PLXNC1: variants seen among roughly 807,000 people sequenced by gnomAD.
The protein encoded by PLXNC1 is plexin C1, also known as plexin-C1.
A neutral mutation model predicts 178.2 loss-of-function variants in PLXNC1; 75 were observed. That is an observed-to-expected ratio of 0.42 (90% CI 0.35 to 0.51). PLXNC1 has a LOEUF of 0.51. Among genes scored for constraint, PLXNC1 ranks in the 20% least tolerant of loss-of-function variants. PLXNC1 has a pLI of 0.02. For missense variants in PLXNC1, 1,503 were observed against 1,984.4 expected (o/e 0.76, Z 4.61); for synonymous variants, 790 against 779.9 (o/e 1.01, Z -0.22).
chr12:94,274,768 C>T (rs1361535204), intron 21 of PLXNC1, among the ~76,000 whole-genome samples: 1 of 152,172 alleles, frequency 6.6e-6, no homozygotes, highest in South Asian at 2.1e-4. Flanking sequence ...CTTGAGTACC[C>T]GGTTCTACCA....
chr12:94,205,993 TTC>T (rs766200384), intron 4 of PLXNC1, among the ~76,000 whole-genome samples: 9 of 152,238 alleles, frequency 5.9e-5, no homozygotes, highest in Non-Finnish European at 1.3e-4. Context: ...TTCTCTGAGC[TTC>T]TGTTTCATCC....
intron 2 of PLXNC1, chr12:94,176,547 A>G (rs1962057002): frequency 6.6e-6 from 1 of 152,226 alleles, no homozygotes; most frequent in Admixed American, 6.5e-5. Flanking sequence ...TAGCAAAAAG[A>G]AAAACAATTT....
chr12:94,153,758 C>T (rs886229510), intron 1 of PLXNC1, among the ~76,000 whole-genome samples: 1 of 152,138 alleles, frequency 6.6e-6, no homozygotes, highest in Non-Finnish European at 1.5e-5. Flanking sequence ...GGGGACATAC[C>T]GCCTTCTTCC....
intron 2 of PLXNC1, among the ~76,000 whole-genome samples, chr12:94,178,785 G>A (rs1270328762): frequency 6.6e-6 from 1 of 152,154 alleles, no homozygotes; most frequent in African/African-American, 2.4e-5. Context: ...AATTTAAATA[G>A]CCATTATGTG....
At chr12:94,165,499 C>G (rs1212996965) in intron 1 of PLXNC1, among the ~76,000 whole-genome samples, 1 of 152,194 alleles carries the variant, frequency 6.6e-6, no homozygotes, top group Non-Finnish European at 1.5e-5. Flanking sequence ...AAAATCCTGA[C>G]TGTGGCCAGG....
At chr12:94,197,529 A>T (rs1398123743) in intron 4 of PLXNC1, among the ~76,000 whole-genome samples, 1 of 151,740 alleles carries the variant, frequency 6.6e-6, no homozygotes, top group Non-Finnish European at 1.5e-5. Flanking sequence ...CCCTCACCAG[A>T]TGCAGGCCCC....
At chr12:94,169,403 T>C in intron 2 of PLXNC1, 110 bp downstream of exon 2, 1 of 868,884 alleles carries the variant, frequency 1.2e-6, no homozygotes, top group Non-Finnish European at 1.8e-6. Context: ...AACCAAGAAC[T>C]TCATGAACTC....
intron 1 of PLXNC1, among the ~76,000 whole-genome samples, chr12:94,165,295 T>A (rs1157840777): frequency 6.6e-6 from 1 of 152,224 alleles, no homozygotes; most frequent in Non-Finnish European, 1.5e-5. Flanking sequence ...CTTTCTTTTG[T>A]TTTCATTTGC....
At chr12:94,224,806 C>T (rs1010038562) in intron 7 of PLXNC1, among the ~76,000 whole-genome samples, 2 of 152,166 alleles carry the variant, frequency 1.3e-5, no homozygotes, top group African/African-American at 2.4e-5. Context: ...ACTTGGGAGG[C>T]TGAGGTGGGA....
chr12:94,149,002 CG>C lies in PLXNC1; in HGVS notation c.32del (p.Arg11ProfsTer132). 6.9e-7 allele frequency: 1 copy of C among 1,457,816 alleles called. No individual in the cohort carries two copies. The allele number at this position is 1,457,816 out of a possible 1,614,324, so 90.3% of individuals were successfully genotyped here. MEVSRRKAPP[R>X]PPRPAAPLPL... Reference sequence around the variant, plus strand: ...GGTCTCCCGGAGGAAGGCGCCGCCGCGCCCCCCGCGCCCCGCAGCGCCACTG... The same window carrying C: ...GGTCTCCCGGAGGAAGGCGCCGCCGCCCCCCCGCGCCCCGCAGCGCCACTG... On this transcript the variant is annotated frameshift_variant, in exon 1 of 31. Coordinates refer to ENST00000258526, the MANE Select transcript of PLXNC1 (RefSeq NM_005761.3). LOFTEE classifies it high-confidence loss of function.
intron 1 of PLXNC1, among the ~76,000 whole-genome samples, chr12:94,166,870 G>A (rs1399456948): frequency 6.6e-6 from 1 of 151,922 alleles, no homozygotes; most frequent in Non-Finnish European, 1.5e-5. Flanking sequence ...GGACTCAAGT[G>A]ATCCACCTGT....
rs570501282 is a variant in PLXNC1, at chr12:94,190,980, C to A, written c.1439+4507C>A. 1.7e-4 allele frequency among the ~76,000 whole-genome samples: 26 copies of A among 152,350 alleles called. No individual in the cohort carries two copies. In the South Asian group the frequency reaches 5.4e-3, roughly 32 times the overall value. On this transcript the variant is annotated intron_variant, in intron 4 of 30. Coordinates refer to ENST00000258526, the MANE Select transcript of PLXNC1 (RefSeq NM_005761.3). Reference sequence around the variant, plus strand: ...CCTCCCCTTACTCACAGTGACATTACTGTTTTATTTTCTTCATGGCCCATC... The same window carrying A: ...CCTCCCCTTACTCACAGTGACATTAATGTTTTATTTTCTTCATGGCCCATC...
At chr12:94,298,510 AGTTT>A (rs1458099831) in intron 26 of PLXNC1, 118 bp from the exon 27 acceptor site, 2 of 794,690 alleles carry the variant, frequency 2.5e-6, no homozygotes, top group African/African-American at 3.5e-5. Context: ...TTTTCTCTTC[AGTTT>A]GTTTTTCCCT....
chr12:94,164,099 G>T (rs1426436605), intron 1 of PLXNC1, among the ~76,000 whole-genome samples: 2 of 152,168 alleles, frequency 1.3e-5, no homozygotes, highest in Non-Finnish European at 1.5e-5. Context: ...CAGAGCAGGG[G>T]CCAGAACTTG....
intron 12 of PLXNC1, 152 bp from the exon 13 acceptor site, chr12:94,247,751 A>G (rs1964569055): frequency 4.4e-6 from 3 of 683,064 alleles, no homozygotes; most frequent in South Asian, 3.5e-5. Context: ...GGTGAAGTCA[A>G]TCCTGTGAGG....
At chr12:94,181,386 CAAA>C (rs71703027) in intron 2 of PLXNC1, 57 bp from the exon 3 acceptor site, 340 of 963,308 alleles carry the variant, frequency 3.5e-4, no homozygotes, top group Admixed American at 3.8e-4. Context: ...GATTCCGTCT[CAAA>C]AAAAAAAAAA....
In PLXNC1 at chr12:94,281,054, G is replaced by A. The variant is rs182736181; in HGVS notation, c.3776-1244G>A. 7.9e-5 allele frequency among the ~76,000 whole-genome samples: 12 copies of A among 152,324 alleles called. 1 individual carries two copies. The highest frequency in any genetic ancestry group is 4.6e-4 in the Admixed American group (7 of 15,306). Reference sequence around the variant, plus strand: ...AGCACTTTGAGAGGCCAAGGCTGGTGGATCACCTGAAGTCAGGAGTTTGAG... The same window carrying A: ...AGCACTTTGAGAGGCCAAGGCTGGTAGATCACCTGAAGTCAGGAGTTTGAG... On this transcript the variant is annotated intron_variant, in intron 22 of 30. Transcript: ENST00000258526.
intron 1 of PLXNC1, among the ~76,000 whole-genome samples, chr12:94,152,870 G>A (rs1961010484): frequency 6.6e-6 from 1 of 152,184 alleles, no homozygotes; most frequent in African/African-American, 2.4e-5. Flanking sequence ...GCTAAGCAGT[G>A]ATTTACGAGA....
chr12:94,266,841 T>C (rs1965271815), intron 21 of PLXNC1, among the ~76,000 whole-genome samples: 1 of 152,240 alleles, frequency 6.6e-6, no homozygotes, highest in Non-Finnish European at 1.5e-5. Context: ...CTTTATTCCA[T>C]TTGATCCAGA....
Sources: allele counts gnomAD v4.1 joint callset (sites outside exome capture counted in the v4.1 genomes callset), GRCh38; gene constraint gnomAD v4.1.1; transcripts MANE v1.5; gene names NCBI Gene and HGNC (gene_info 2026-07-23, HGNC 2026-07-21).